The following GATA6 variants were observed in gnomAD, a reference collection of about 807,000 sequenced individuals.
The protein encoded by GATA6 is GATA binding protein 6.
A neutral mutation model predicts 48.1 loss-of-function variants in GATA6; 11 were observed. The ratio of observed to expected loss-of-function variants is 0.23; its 90% CI spans 0.14 to 0.38. The LOEUF (loss-of-function observed/expected upper bound fraction) is 0.38, where lower values mean the gene tolerates loss of function less well. Among genes scored for constraint, GATA6 ranks in the 10% least tolerant of loss-of-function variants. GATA6 has a pLI of 1.00. For missense variants in GATA6, 795 were observed against 850.3 expected (o/e 0.93, Z 0.81); for synonymous variants, 419 against 396.1 (o/e 1.06, Z -0.69).
chr18:22,197,670 T>A (rs1385762954), intron 6 of GATA6, among the ~76,000 whole-genome samples: 1 of 152,228 alleles, frequency 6.6e-6, no homozygotes, highest in East Asian at 1.9e-4. Context: ...GTTAGCTCAT[T>A]TAATTGTCGC....
intron 6 of GATA6, among the ~76,000 whole-genome samples, chr18:22,197,753 G>A (rs548217701): frequency 6.6e-6 from 1 of 152,190 alleles, no homozygotes; most frequent in Non-Finnish European, 1.5e-5. Flanking sequence ...CTCAGCAGGG[G>A]ACTGAATCAG....
intron 3 of GATA6, among the ~76,000 whole-genome samples, chr18:22,177,952 GTTTTTTTTTTTTTTT>G (rs775374335): frequency 1.2e-5 from 1 of 80,458 alleles, no homozygotes; most frequent in Non-Finnish European, 2.6e-5. Context: ...CTGTTTTTTT[GTTTTTTTTTTTTTTT>G]TTTTTTTTTT....
Position 22,185,438 on chromosome 18 carries a change from G to A in GATA6, c.1620+2395G>A, listed in dbSNP as rs76490398. 0.023 allele frequency among the ~76,000 whole-genome samples: 3,468 copies of A among 152,358 alleles called. 153 individuals are homozygous for A. Among genetic ancestry groups the A allele is most frequent in the African/African-American group, 0.078 (3,235 of 41,580 alleles). On this transcript the variant is annotated intron_variant, in intron 6 of 6. Coordinates refer to ENST00000269216, the MANE Select transcript of GATA6 (RefSeq NM_005257.6). The surrounding 1 kb of genome is among the most constrained non-coding windows in gnomAD (Gnocchi z 4.3). The stretch of plus-strand genomic sequence containing the variant: ...CTGAGAAGCTGGGAGTGGCTGGTGT[G>A]AGCTGCAGCCAGGGGGCATCTCTCC...
At chr18:22,175,918 T>A (rs1490354707) in intron 2 of GATA6, among the ~76,000 whole-genome samples, 1 of 152,200 alleles carries the variant, frequency 6.6e-6, no homozygotes, top group Admixed American at 6.5e-5. Context: ...GAACCTTAAA[T>A]GGCGGTCTAT....
At chr18:22,187,655 A>G (rs1385569569) in intron 6 of GATA6, among the ~76,000 whole-genome samples, 3 of 152,122 alleles carry the variant, frequency 2.0e-5, no homozygotes, top group Non-Finnish European at 4.4e-5. Context: ...AAGATTTAAT[A>G]AGTAGTCCAC....
chr18:22,176,892 T>C lies in GATA6; in HGVS notation c.1136-63T>C. 3 of 1,490,518 alleles carry C rather than the reference T, an allele frequency of 2.0e-6. No individual in the cohort carries two copies. In the South Asian group the frequency reaches 3.8e-5, roughly 19 times the overall value. The allele number at this position is 1,490,518 out of a possible 1,614,324, so 92.3% of individuals were successfully genotyped here. On this transcript the variant is annotated intron_variant, in intron 2 of 6. Coordinates refer to ENST00000269216, the MANE Select transcript of GATA6 (RefSeq NM_005257.6). ...GGGCTGGGGGCCGGGGTCCCCGGGGTGACGCGGGGAGGGACGGGTCCGGCG... is the reference window on the plus strand; with the variant it reads ...GGGCTGGGGGCCGGGGTCCCCGGGGCGACGCGGGGAGGGACGGGTCCGGCG...
rs775534118 is a variant in GATA6, at chr18:22,185,689, G to A, written c.1620+2646G>A. The stretch of plus-strand genomic sequence containing the variant: ...GGCCATTGTGGGGAAACAGCTACTC[G>A]TCTGCTGGCTGCCTTTGGAAGCTGT... On this transcript the variant is annotated intron_variant, in intron 6 of 6. Transcript: ENST00000269216. This position sits in a 1 kb window ranked among gnomAD's most constrained non-coding sequence, Gnocchi z 4.3. 2.0e-5 allele frequency among the ~76,000 whole-genome samples: 3 copies of A among 152,198 alleles called. No homozygotes were observed. The highest frequency in any genetic ancestry group is 2.9e-5 in the Non-Finnish European group (2 of 68,038).
intron 2 of GATA6, among the ~76,000 whole-genome samples, chr18:22,173,981 T>C (rs144852095): frequency 0.017 from 2,610 of 152,250 alleles, 33 homozygotes; most frequent in East Asian, 0.045. Flanking sequence ...CTGGAGACCA[T>C]TTTTCCCCTG....
At position 22,201,046 on chromosome 18, in the gene GATA6, C is replaced by T. The variant is rs745903281; in HGVS notation, c.*223C>T. ...GGCGCTTGGGCCACTCCAGCCAGCC[C>T]GCCTCCGGGGCGGACCCTGCTCCAC... On this transcript the variant is annotated 3_prime_UTR_variant, in exon 7 of 7. Transcript: ENST00000269216. 4.1e-5 allele frequency: 25 copies of T among 616,466 alleles called. No individual in the cohort carries two copies. The highest frequency in any genetic ancestry group is 3.7e-4 in the South Asian group (18 of 49,052). 38.2% of individuals were successfully genotyped at this position (616,466 alleles called of 1,614,324 possible). A position where few individuals can be genotyped will look rare whatever the true frequency, so the allele number is the denominator to read the frequency against.
intron 6 of GATA6, among the ~76,000 whole-genome samples, chr18:22,199,354 G>T (rs1364121769): frequency 6.6e-6 from 1 of 152,188 alleles, no homozygotes; most frequent in Non-Finnish European, 1.5e-5. Context: ...GTAATTTATA[G>T]AATGGAGCCC....
rs750205839 is a variant in GATA6 at position 22,171,445 on chromosome 18, G to C, written c.301G>C (p.Gly101Arg). Residue 101 changes from glycine (G) to arginine (R), a missense_variant, in exon 2 of 7, where the codon GGC becomes CGC. This residue lies in a region of GATA6 where 591 missense variants were observed against 570.0 expected (regional missense o/e 1.04). Transcript: ENST00000269216. This position sits in a 1 kb window ranked among gnomAD's most constrained non-coding sequence, Gnocchi z 7.1. ...CGGACCTTCGGCGCCTGGGGTCGCG[G>C]GCCCCGGGGGCAACCTGTCGAGCTG... is the stretch of plus-strand genomic sequence containing the variant. ...PHGPSAPGVAGPGGNLSSWED... is the reference protein window; with the variant it reads ...PHGPSAPGVARPGGNLSSWED... 2.5e-6 allele frequency: 4 copies of C among 1,594,842 alleles called. No homozygotes were observed. In the Admixed American group the frequency reaches 6.7e-5, roughly 27 times the overall value.
At position 22,172,195 on chromosome 18, in the gene GATA6, G is replaced by A. The variant is rs1462457750; in HGVS notation, c.1051G>A (p.Ala351Thr). Reference sequence around the variant, plus strand: ...GGCGCCACTGACGCCTGCCTGGCCCGCCGGACCCTTCGAGACCCCGGTGCT... The same window carrying A: ...GGCGCCACTGACGCCTGCCTGGCCCACCGGACCCTTCGAGACCCCGGTGCT... ...VGAPLTPAWP[A>T]GPFETPVLHS... Residue 351 changes from alanine to threonine, a missense_variant, in exon 2 of 7, where the codon GCC becomes ACC. Physicochemically the swap from Ala to Thr is moderately conservative, Grantham distance 58. Around this residue, in one of 5 missense-constraint regions of GATA6, gnomAD observed 591 missense variants for 570.0 expected, o/e 1.04. Coordinates refer to ENST00000269216, the MANE Select transcript of GATA6 (RefSeq NM_005257.6). The surrounding 1 kb of genome is among the most constrained non-coding windows in gnomAD (Gnocchi z 5.2). The A allele has an allele frequency of 2.8e-6, 4 of 1,433,356 alleles. No homozygotes were observed. Among genetic ancestry groups the A allele is most frequent in the South Asian group, 2.4e-5 (2 of 82,772 alleles). The allele number at this position is 1,433,356 out of a possible 1,614,324, so 88.8% of individuals were successfully genotyped here. A position where few individuals can be genotyped will look rare whatever the true frequency, so the allele number is the denominator to read the frequency against.
At chr18:22,196,700 C>G (rs2033393599) in intron 6 of GATA6, among the ~76,000 whole-genome samples, 1 of 151,908 alleles carries the variant, frequency 6.6e-6, no homozygotes, top group African/African-American at 2.4e-5. Flanking sequence ...AAGATCACAC[C>G]CAGTGCACTC....
intron 6 of GATA6, among the ~76,000 whole-genome samples, chr18:22,200,444 A>C (rs1568011389): frequency 6.6e-6 from 1 of 152,180 alleles, no homozygotes; most frequent in Non-Finnish European, 1.5e-5. Context: ...GGGTCAGGTC[A>C]GTGGCACTGT....
chr18:22,171,556 C>T lies in GATA6; in HGVS notation c.412C>T (p.Pro138Ser). 1.2e-6 allele frequency: 2 copies of T among 1,603,222 alleles called. No homozygotes were observed. The highest frequency in any genetic ancestry group is 8.5e-7 in the Non-Finnish European group (1 of 1,179,374). Residue 138 changes from proline (P) to serine (S), a missense_variant, in exon 2 of 7, where the codon CCC becomes TCC. By Grantham distance (74) the Pro-to-Ser change is moderately conservative (BLOSUM62 -1). Coordinates refer to ENST00000269216, the MANE Select transcript of GATA6 (RefSeq NM_005257.6). This position sits in a 1 kb window ranked among gnomAD's most constrained non-coding sequence, Gnocchi z 7.1. ...GTCCAGCCGCGGCGCCAAGCTGAGC[C>T]CCTTCGCACCCGAGCAGCCGGAGGA... Reference protein sequence around the residue: ...LWSSRGAKLSPFAPEQPEEMY... With the variant: ...LWSSRGAKLSSFAPEQPEEMY...
chr18:22,172,948 G>A lies in GATA6; in HGVS notation c.1135+669G>A, dbSNP rs1004172880. On this transcript the variant is annotated intron_variant, in intron 2 of 6. Transcript: ENST00000269216. The surrounding 1 kb of genome is among the most constrained non-coding windows in gnomAD (Gnocchi z 5.2). ...CATGGTGAAGGAGAGCTGGTGGATA[G>A]GCCCTTGGGCTTGGCATCAGCTGGG... is the stretch of plus-strand genomic sequence containing the variant. Among the ~76,000 whole-genome samples, 2 of 152,206 alleles carry A rather than the reference G, an allele frequency of 1.3e-5. No homozygotes were observed. Among genetic ancestry groups the A allele is most frequent in the Non-Finnish European group, 2.9e-5 (2 of 68,034 alleles).
chr18:22,183,647 G>T (rs1312740570), intron 6 of GATA6, among the ~76,000 whole-genome samples: 1 of 152,182 alleles, frequency 6.6e-6, no homozygotes, highest in Non-Finnish European at 1.5e-5. Flanking sequence ...CAAAACCTAG[G>T]AGTGATTTGT....
chr18:22,174,840 C>G (rs2033100485), intron 2 of GATA6, among the ~76,000 whole-genome samples: 1 of 152,020 alleles, frequency 6.6e-6, no homozygotes. Context: ...CTTCTGGAAA[C>G]CCACACTATG....
intron 6 of GATA6, among the ~76,000 whole-genome samples, chr18:22,188,013 G>C (rs1021409637): frequency 2.0e-5 from 3 of 151,952 alleles, no homozygotes; most frequent in Non-Finnish European, 4.4e-5. Flanking sequence ...GAGGCTGGAG[G>C]ATCACTTGAG....
Sources: allele counts gnomAD v4.1 joint callset (sites outside exome capture counted in the v4.1 genomes callset), GRCh38; gene constraint gnomAD v4.1.1; regional missense constraint gnomAD v4.1.1; non-coding constraint Gnocchi (gnomAD v3.1); transcripts MANE v1.5; gene names NCBI Gene and HGNC (gene_info 2026-07-23, HGNC 2026-07-21).